RBFOX1: variants seen among roughly 807,000 people sequenced by gnomAD.
The protein encoded by RBFOX1 is RNA binding protein fox-1 homolog 1.
A neutral mutation model predicts 57.7 loss-of-function variants in RBFOX1; 8 were observed. The observed-to-expected ratio is 0.14, with a 90% CI of 0.08 to 0.25. RBFOX1 has a LOEUF of 0.25. RBFOX1 is among the 10% of genes least tolerant of loss of function. The pLI is 1.00. For missense variants in RBFOX1, 611 were observed against 548.5 expected, an observed-to-expected ratio of 1.11 and a Z score of -1.14; for synonymous variants, 326 against 222.4, an observed-to-expected ratio of 1.47 and a Z score of -4.15.
intron 3 of RBFOX1, among the ~76,000 whole-genome samples, chr16:6,928,404 G>A (rs933956935): frequency 1.3e-5 from 2 of 152,138 alleles, no homozygotes; most frequent in Non-Finnish European, 2.9e-5. Flanking sequence ...GGGAGCAGAG[G>A]TTGTTGTAGG....
Position 6,787,376 on chromosome 16 carries a change from A to G in RBFOX1, c.-16+132726A>G, listed in dbSNP as rs2154243771. ...TTTCAACTTAGGATTTTATGCAGAA[A>G]CGGTGAAATGATTAACATCAGAAAT... On this transcript the variant is annotated intron_variant, in intron 3 of 15. Transcript: ENST00000550418. Among the ~76,000 whole-genome samples the G allele has an allele frequency of 2.0e-5, 3 of 152,306 alleles. 1 individual carries two copies. In the South Asian group the frequency reaches 6.2e-4, roughly 32 times the overall value.
At chr16:6,558,506 A>G (rs553256838) in intron 2 of RBFOX1, among the ~76,000 whole-genome samples, 1 of 152,146 alleles carries the variant, frequency 6.6e-6, no homozygotes, top group Non-Finnish European at 1.5e-5. Context: ...CGTTGGAAGG[A>G]CATTGGAAAA....
intron 1 of RBFOX1, among the ~76,000 whole-genome samples, chr16:5,425,064 C>CTTATTTAT (rs766262577): frequency 0.44 from 50,106 of 114,300 alleles, 13,259 homozygotes; most frequent in East Asian, 0.56. Context: ...TCCTTCCTTT[C>CTTATTTAT]TTATCTATCT....
chr16:6,667,375 A>G (rs1319664478), intron 3 of RBFOX1, among the ~76,000 whole-genome samples: 2 of 152,052 alleles, frequency 1.3e-5, no homozygotes, highest in Admixed American at 1.3e-4. Context: ...GCCAGGTGTA[A>G]TCGTGTGGCT....
rs1194663760 is a variant in RBFOX1 at position 6,927,414 on chromosome 16, C to CAAAAAAAAAAAAAAAAAAAAAAA, written c.-15-124640_-15-124618dup. On this transcript the variant is annotated intron_variant, in intron 3 of 15. Transcript: ENST00000550418. ...GGCAACAGAGTGAGACGCTTTCTCA[C>CAAAAAAAAAAAAAAAAAAAAAAA]AAAAAAAAAAAAAAAAAAAAAAAAA... Among the ~76,000 whole-genome samples, 21 of 53,144 alleles carry CAAAAAAAAAAAAAAAAAAAAAAA rather than the reference C, an allele frequency of 4.0e-4. 1 individual carries two copies. The highest frequency in any genetic ancestry group is 2.2e-3 in the African/African-American group (20 of 9,278). 34.9% of individuals were successfully genotyped at this position (53,144 alleles called of 152,430 possible). A position where few individuals can be genotyped will look rare whatever the true frequency, so the allele number is the denominator to read the frequency against.
intron 1 of RBFOX1, among the ~76,000 whole-genome samples, chr16:5,244,281 C>T (rs1004141959): frequency 6.6e-6 from 1 of 152,256 alleles, no homozygotes; most frequent in Non-Finnish European, 1.5e-5. Flanking sequence ...ATCCTCCATC[C>T]CCTCATGCAC....
chr16:5,388,867 G>A (rs910899782), intron 1 of RBFOX1, among the ~76,000 whole-genome samples: 2 of 150,640 alleles, frequency 1.3e-5, no homozygotes, highest in African/African-American at 4.9e-5. Context: ...GTGAGTCACC[G>A]CGCCTTGCCA....
At chr16:6,789,474 T>A (rs867492562) in intron 3 of RBFOX1, among the ~76,000 whole-genome samples, 5 of 152,156 alleles carry the variant, frequency 3.3e-5, no homozygotes, top group African/African-American at 1.2e-4. Flanking sequence ...CAAGTTGGTA[T>A]TTTAGAGAGA....
At chr16:6,737,565 A>C (rs924855749) in intron 3 of RBFOX1, among the ~76,000 whole-genome samples, 2 of 152,088 alleles carry the variant, frequency 1.3e-5, no homozygotes, top group African/African-American at 4.8e-5. Context: ...TTAAATCTGG[A>C]CTCTGCTTCT....
At chr16:6,766,673 G>A (rs1178829693) in intron 3 of RBFOX1, among the ~76,000 whole-genome samples, 1 of 151,870 alleles carries the variant, frequency 6.6e-6, no homozygotes, top group Non-Finnish European at 1.5e-5. Flanking sequence ...AGCCACATGT[G>A]GCCAACAGCT....
At chr16:5,357,909 G>A (rs1260786841) in intron 1 of RBFOX1, among the ~76,000 whole-genome samples, 4 of 152,212 alleles carry the variant, frequency 2.6e-5, no homozygotes, top group South Asian at 2.1e-4. Flanking sequence ...TAAAAATGAC[G>A]ATTAGGAATA....
At chr16:6,586,726 A>G (rs2097627218) in intron 2 of RBFOX1, among the ~76,000 whole-genome samples, 1 of 152,162 alleles carries the variant, frequency 6.6e-6, no homozygotes, top group African/African-American at 2.4e-5. Flanking sequence ...CTGACGGCAA[A>G]GAGAACCTTC....
At chr16:5,406,859 C>T (rs563046367) in intron 1 of RBFOX1, among the ~76,000 whole-genome samples, 5 of 152,168 alleles carry the variant, frequency 3.3e-5, no homozygotes, top group African/African-American at 7.2e-5. Flanking sequence ...CACTCACCAG[C>T]GTGAAGAGTG....
chr16:6,908,769 C>G (rs1202356916), intron 3 of RBFOX1, among the ~76,000 whole-genome samples: 7 of 152,092 alleles, frequency 4.6e-5, no homozygotes, highest in African/African-American at 1.4e-4. Flanking sequence ...CAATCTGGGA[C>G]CAAGTGCTTA....
chr16:6,188,974 G>A (rs887631430), intron 1 of RBFOX1, among the ~76,000 whole-genome samples: 1 of 152,182 alleles, frequency 6.6e-6, no homozygotes, highest in African/African-American at 2.4e-5. Flanking sequence ...TGCAGTGCAA[G>A]ATGAAGCTAG....
intron 7 of RBFOX1, among the ~76,000 whole-genome samples, chr16:7,590,244 G>C (rs1215084184): frequency 6.6e-6 from 1 of 151,972 alleles, no homozygotes; most frequent in Non-Finnish European, 1.5e-5. Flanking sequence ...TCCAGCTTGG[G>C]TGACAGAGTG....
intron 2 of RBFOX1, among the ~76,000 whole-genome samples, chr16:5,504,456 C>T (rs1020529537): frequency 1.3e-5 from 2 of 152,228 alleles, no homozygotes; most frequent in Non-Finnish European, 2.9e-5. Flanking sequence ...ATGGCATTGA[C>T]CTTTCTGACC....
rs958146228 is a variant in RBFOX1 at position 6,722,793 on chromosome 16, A to G, written c.-16+68143A>G. On this transcript the variant is annotated intron_variant, in intron 3 of 15. Transcript: ENST00000550418. ...GTAGGCATATCTTCATTTTTACATTATTTATCTCAGCGGCCAGATGGGTAC... is the reference window on the plus strand; with the variant it reads ...GTAGGCATATCTTCATTTTTACATTGTTTATCTCAGCGGCCAGATGGGTAC... 2.0e-5 allele frequency among the ~76,000 whole-genome samples: 3 copies of G among 152,248 alleles called. No individual in the cohort carries two copies. In the South Asian group the frequency reaches 6.2e-4, roughly 32 times the overall value.
chr16:6,803,645 C>G (rs1050295789), intron 3 of RBFOX1, among the ~76,000 whole-genome samples: 6 of 152,166 alleles, frequency 3.9e-5, no homozygotes, highest in South Asian at 2.1e-4. Context: ...GCAAAAGAAT[C>G]TTTCACCATT....
Sources: gnomAD v4.1 joint callset for allele counts (sites outside exome capture counted in the v4.1 genomes callset) on GRCh38, gnomAD v4.1.1 for gene constraint, MANE v1.5 for transcripts, NCBI Gene and HGNC (gene_info 2026-07-23, HGNC 2026-07-21) for gene names.